Variants in AGO3 observed in about 807,000 individuals in gnomAD.
The protein encoded by AGO3 is protein argonaute-3.
Under a neutral mutation model 105.5 loss-of-function variants are expected in AGO3, and 16 were observed. The observed-to-expected ratio is 0.15, with a 90% confidence interval of 0.10 to 0.23. The LOEUF is 0.23. Ranked by LOEUF, AGO3 falls within the 10% of genes least tolerant of loss-of-function variation. The pLI is 1.00. For missense variants in AGO3, 534 were observed against 1,088.0 expected (o/e 0.49, Z 7.16); for synonymous variants, 340 against 367.3 (o/e 0.93, Z 0.85).
chr1:36,018,683 G>A (rs1047631017), intron 11 of AGO3, among the ~76,000 whole-genome samples: 17 of 152,134 alleles, frequency 1.1e-4, no homozygotes, highest in Admixed American at 3.3e-4. Context: ...CACCCGCCTT[G>A]GCCTCCCAAA....
chr1:35,946,091 A>G (rs1370888205), intron 2 of AGO3, among the ~76,000 whole-genome samples: 3 of 152,180 alleles, frequency 2.0e-5, no homozygotes, highest in Non-Finnish European at 4.4e-5. Flanking sequence ...ATAATAGAAA[A>G]GGTTCAAGTT....
rs1643053868 is a variant in AGO3 at position 36,063,895 on chromosome 1, T to G, written c.*8150T>G. ...TCTGAAGTAGCTGGGACTACTCACA[T>G]GCGCCACCATGCCCAGCTAATGGTT... On this transcript the variant is annotated 3_prime_UTR_variant, in exon 19 of 19. Coordinates refer to ENST00000373191, the MANE Select transcript of AGO3 (RefSeq NM_024852.4). The G allele has an allele frequency of 6.6e-6, 1 of 152,178 alleles. No homozygotes were observed. The highest frequency in any genetic ancestry group is 2.4e-5 in the African/African-American group (1 of 41,436). 9.4% of individuals were successfully genotyped at this position (152,178 alleles called of 1,614,324 possible).
intron 2 of AGO3, among the ~76,000 whole-genome samples, chr1:35,953,787 C>G (rs1204593538): frequency 3.9e-5 from 6 of 152,146 alleles, no homozygotes; most frequent in Non-Finnish European, 7.4e-5. Context: ...GCTGGGGTTA[C>G]AGGCATGAGC....
rs562104793 is a variant in AGO3, at chr1:35,931,416, C to G, written c.-11C>G. ...CCGTTCTCCCTCGAAGCACTCCCCCCAGCTCCATGAATGGAAATCGGCTCC... is the reference window on the plus strand; with the variant it reads ...CCGTTCTCCCTCGAAGCACTCCCCCGAGCTCCATGAATGGAAATCGGCTCC... On this transcript the variant is annotated 5_prime_UTR_variant, in exon 1 of 19. Transcript: ENST00000373191. 776 of 1,507,720 alleles carry G rather than the reference C, an allele frequency of 5.1e-4. 2 individuals are homozygous for G. Among genetic ancestry groups the G allele is most frequent in the South Asian group, 2.0e-3 (159 of 77,706 alleles). 93.4% of individuals were successfully genotyped at this position (1,507,720 alleles called of 1,614,324 possible).
chr1:35,946,013 G>A, intron 2 of AGO3, 150 bp downstream of exon 2: 1 of 780,880 alleles, frequency 1.3e-6, no homozygotes, highest in Admixed American at 3.5e-5. Flanking sequence ...TGTACTTCAG[G>A]GGTGTGATAG....
At chr1:36,034,719 AG>A (rs1641930120) in intron 13 of AGO3, among the ~76,000 whole-genome samples, 3 of 152,242 alleles carry the variant, frequency 2.0e-5, no homozygotes, top group Admixed American at 2.0e-4. Flanking sequence ...TGGAGAGCCC[AG>A]CTTGAAGAAT....
At position 35,972,154 on chromosome 1, in the gene AGO3, C is replaced by G. The variant is rs1646881354; in HGVS notation, c.443C>G (p.Pro148Arg). Residue 148 changes from proline to arginine, a missense_variant, in exon 4 of 19, where the codon CCA becomes CGA. By Grantham distance (103) the Pro-to-Arg change is moderately radical. Coordinates refer to ENST00000373191, the MANE Select transcript of AGO3 (RefSeq NM_024852.4). ...EVLTGRTLPE[P>R]LELDKPISTN... is the part of the protein sequence containing the mutation. ...CTGACAGGACGGACCTTGCCTGAGCCACTGGAATTAGACAAGCCAATCAGC... is the reference window on the plus strand; with the variant it reads ...CTGACAGGACGGACCTTGCCTGAGCGACTGGAATTAGACAAGCCAATCAGC... The G allele has an allele frequency of 6.2e-7, 1 of 1,613,962 alleles. No homozygotes were observed. Among genetic ancestry groups the G allele is most frequent in the African/African-American group, 1.3e-5 (1 of 74,888 alleles).
At chr1:36,002,908 TAA>T (rs1377151363) in intron 5 of AGO3, among the ~76,000 whole-genome samples, 1 of 151,996 alleles carries the variant, frequency 6.6e-6, no homozygotes, top group Non-Finnish European at 1.5e-5. Context: ...TTGTCTCTAC[TAA>T]AAATACAAAA....
intron 5 of AGO3, among the ~76,000 whole-genome samples, chr1:35,990,233 G>A (rs1247752852): frequency 6.6e-6 from 1 of 152,170 alleles, no homozygotes; most frequent in Non-Finnish European, 1.5e-5. Context: ...TTGTGGCCAG[G>A]CACGGTGGCT....
Position 36,068,111 on chromosome 1 carries a change from ACACT to A in AGO3, c.*12370_*12373del, listed in dbSNP as rs777135409. The A allele has an allele frequency of 3.3e-5, 5 of 152,194 alleles. No individual in the cohort carries two copies. Among genetic ancestry groups the A allele is most frequent in the Non-Finnish European group, 5.9e-5 (4 of 68,042 alleles). The allele number at this position is 152,194 out of a possible 1,614,324, so 9.4% of individuals were successfully genotyped here. ...AATTGTTCTTTTTTCCCCATCACAC[ACACT>A]CACACACAAACACACACACTGTTAA... On this transcript the variant is annotated 3_prime_UTR_variant, in exon 19 of 19. Coordinates refer to ENST00000373191, the MANE Select transcript of AGO3 (RefSeq NM_024852.4).
chr1:36,010,598 T>G (rs1640557701), intron 9 of AGO3, among the ~76,000 whole-genome samples: 1 of 136,878 alleles, frequency 7.3e-6, no homozygotes, highest in African/African-American at 2.8e-5. Flanking sequence ...TGAGACTCTG[T>G]CTCAAAAAAA....
At chr1:35,963,682 A>C (rs2148766769) in intron 2 of AGO3, among the ~76,000 whole-genome samples, 1 of 152,208 alleles carries the variant, frequency 6.6e-6, no homozygotes, top group African/African-American at 2.4e-5. Context: ...TAAAAAAAAA[A>C]CTATGAACAT....
intron 11 of AGO3, among the ~76,000 whole-genome samples, chr1:36,024,718 C>T (rs1345141985): frequency 6.6e-6 from 1 of 152,190 alleles, no homozygotes; most frequent in African/African-American, 2.4e-5. Context: ...GAGTCTCACT[C>T]TGTCATCCAG....
chr1:36,051,773 T>C (rs888095567), intron 17 of AGO3, among the ~76,000 whole-genome samples: 36 of 152,258 alleles, frequency 2.4e-4, no homozygotes, highest in African/African-American at 7.5e-4. Context: ...AATAATTTGA[T>C]TTTAAAATAG....
intron 2 of AGO3, among the ~76,000 whole-genome samples, chr1:35,957,264 G>A (rs1646584815): frequency 1.3e-5 from 2 of 151,956 alleles, no homozygotes; most frequent in Admixed American, 6.6e-5. Context: ...GCTGAGGTAC[G>A]AGAATTGCTT....
At chr1:36,049,728 T>C (rs1317638234) in intron 17 of AGO3, among the ~76,000 whole-genome samples, 1 of 152,100 alleles carries the variant, frequency 6.6e-6, no homozygotes, top group Non-Finnish European at 1.5e-5. Flanking sequence ...ATTCATTCCA[T>C]GCAAGCGGAA....
At chr1:35,948,458 TC>T (rs562041109) in intron 2 of AGO3, among the ~76,000 whole-genome samples, 88 of 142,744 alleles carry the variant, frequency 6.2e-4, no homozygotes, top group Non-Finnish European at 5.8e-4. Context: ...GACCTTGTGG[TC>T]CCCCCCCGCC....
intron 1 of AGO3, among the ~76,000 whole-genome samples, chr1:35,936,345 G>A (rs887603187): frequency 6.6e-6 from 1 of 152,096 alleles, no homozygotes; most frequent in Non-Finnish European, 1.5e-5. Flanking sequence ...GCATTTTGTG[G>A]TTTGGTTATA....
upstream of AGO3, chr1:35,930,981 C>CCGCGCCGGCCGCTCCTGCCCCGACGT (rs1646030458): frequency 3.0e-6 from 1 of 335,466 alleles, no homozygotes; most frequent in Admixed American, 4.8e-5. Flanking sequence ...CCGGCGTCCT[C>CCGCGCCGGCCGCTCCTGCCCCGACGT]CGCGCCGGCC....
Sources: gnomAD v4.1 joint callset for allele counts (sites outside exome capture counted in the v4.1 genomes callset) on GRCh38, gnomAD v4.1.1 for gene constraint, MANE v1.5 for transcripts, NCBI Gene and HGNC (gene_info 2026-07-23, HGNC 2026-07-21) for gene names.